The following DGKB variants were observed in gnomAD, a reference collection of about 807,000 sequenced individuals.
DGKB encodes diacylglycerol kinase beta, also known as 90 kDa diacylglycerol kinase.
In DGKB, 67 loss-of-function variants were observed where a neutral mutation model predicts 114.3. That is an observed-to-expected ratio of 0.59 (90% CI 0.48 to 0.72). The LOEUF (loss-of-function observed/expected upper bound fraction) is 0.72. DGKB is among the 30% of genes least tolerant of loss of function. DGKB has a pLI of 0.00. For missense variants in DGKB, 907 were observed against 975.2 expected, an observed-to-expected ratio of 0.93 and a Z score of 0.93; for synonymous variants, 398 against 323.1, an observed-to-expected ratio of 1.23 and a Z score of -2.49.
intron 23 of DGKB, among the ~76,000 whole-genome samples, chr7:14,250,129 TA>T (rs1478427947): frequency 1.6e-5 from 1 of 62,218 alleles, no homozygotes; most frequent in Admixed American, 1.5e-4. Context: ...TATATATATA[TA>T]TATTTTTTTT....
At chr7:14,476,531 A>G (rs182689114) in intron 21 of DGKB, among the ~76,000 whole-genome samples, 147 of 152,286 alleles carry the variant, frequency 9.7e-4, no homozygotes, top group African/African-American at 3.4e-3. Context: ...TCCCATCTCC[A>G]GAAGCAACCA....
chr7:14,405,596 A>C (rs1337801534), intron 21 of DGKB, among the ~76,000 whole-genome samples: 1 of 152,084 alleles, frequency 6.6e-6, no homozygotes, highest in Non-Finnish European at 1.5e-5. Context: ...GAGGATGCAG[A>C]AACAATCAAG....
intron 1 of DGKB, among the ~76,000 whole-genome samples, chr7:14,895,436 A>C (rs978382861): frequency 6.6e-6 from 1 of 151,550 alleles, no homozygotes. Context: ...TGCCTCCTGA[A>C]ACCAGCTTGT....
chr7:14,583,772 T>C (rs1370639359), intron 17 of DGKB, among the ~76,000 whole-genome samples: 1 of 152,178 alleles, frequency 6.6e-6, no homozygotes, highest in African/African-American at 2.4e-5. Flanking sequence ...TACCCACTGC[T>C]TCTGCTGTTA....
At chr7:14,642,982 C>T (rs115628629) in intron 13 of DGKB, among the ~76,000 whole-genome samples, 19 of 152,242 alleles carry the variant, frequency 1.2e-4, no homozygotes, top group African/African-American at 4.1e-4. Context: ...TTTCCCGACA[C>T]CATCAAGATG....
At chr7:14,774,594 T>C (rs1837884021) in intron 2 of DGKB, among the ~76,000 whole-genome samples, 1 of 152,298 alleles carries the variant, frequency 6.6e-6, no homozygotes, top group South Asian at 2.1e-4. Context: ...ATTTAAAACT[T>C]GGATCATAAT....
intron 16 of DGKB, among the ~76,000 whole-genome samples, chr7:14,612,403 T>A (rs1805729311): frequency 6.6e-6 from 1 of 151,950 alleles, no homozygotes; most frequent in Admixed American, 6.6e-5. Flanking sequence ...ATTCCTGACC[T>A]CATGGTCTGC....
intron 1 of DGKB, among the ~76,000 whole-genome samples, chr7:14,846,316 T>A (rs1848621248): frequency 6.6e-6 from 1 of 152,190 alleles, no homozygotes; most frequent in Non-Finnish European, 1.5e-5. Context: ...TTCTCATAGT[T>A]CTAACCCTCA....
Position 14,887,395 on chromosome 7 carries a change from A to T in DGKB, c.-188+15197T>A, listed in dbSNP as rs150214059. ...CTGTTCCTTCTTAATTACTCTGCAG[A>T]TTTCTCTACCTCTTCTCTATTGCAA... On this transcript the variant is annotated intron_variant, in intron 1 of 25. Coordinates refer to ENST00000402815, the MANE Select transcript of DGKB (RefSeq NM_001350709.2). 2.5e-3 allele frequency among the ~76,000 whole-genome samples: 375 copies of T among 151,714 alleles called. 2 individuals carry two copies. Among genetic ancestry groups the T allele is most frequent in the African/African-American group, 8.6e-3 (357 of 41,432 alleles).
intron 23 of DGKB, among the ~76,000 whole-genome samples, chr7:14,279,496 G>C (rs1325421376): frequency 6.6e-6 from 1 of 152,162 alleles, no homozygotes; most frequent in Non-Finnish European, 1.5e-5. Flanking sequence ...GACAGCTTTG[G>C]AGAGAGCGGT....
chr7:14,910,591 T>C (rs1783951381), intron 1 of DGKB, among the ~76,000 whole-genome samples: 1 of 152,140 alleles, frequency 6.6e-6, no homozygotes, highest in South Asian at 2.1e-4. Flanking sequence ...ATAACTATCC[T>C]ACGAAGAAGA....
intron 23 of DGKB, among the ~76,000 whole-genome samples, chr7:14,292,666 C>A (rs1431740447): frequency 6.6e-6 from 1 of 152,096 alleles, no homozygotes; most frequent in Admixed American, 6.6e-5. Flanking sequence ...CTGGGGTGGT[C>A]TTACTTATGG....
chr7:14,300,358 A>G (rs1803315422), intron 23 of DGKB, among the ~76,000 whole-genome samples: 1 of 152,112 alleles, frequency 6.6e-6, no homozygotes, highest in South Asian at 2.1e-4. Context: ...TTGGCATCAT[A>G]AATACCGTGT....
intron 20 of DGKB, among the ~76,000 whole-genome samples, chr7:14,534,190 G>A (rs1052017206): frequency 9.9e-5 from 15 of 151,948 alleles, no homozygotes; most frequent in Non-Finnish European, 2.1e-4. Context: ...TAAAAGTATA[G>A]AGGGCTCATA....
chr7:14,775,040 C>G (rs1837949794), intron 2 of DGKB, among the ~76,000 whole-genome samples: 1 of 152,092 alleles, frequency 6.6e-6, no homozygotes, highest in South Asian at 2.1e-4. Context: ...GATTTTTCTA[C>G]CTGGAAATGA....
intron 1 of DGKB, among the ~76,000 whole-genome samples, chr7:14,967,105 TG>T (rs1021181868): frequency 1.3e-5 from 2 of 152,166 alleles, no homozygotes; most frequent in African/African-American, 4.8e-5. Flanking sequence ...ACTACTGAAT[TG>T]ATTTTAACTT....
chr7:14,785,984 A>G (rs10215015), intron 2 of DGKB, among the ~76,000 whole-genome samples: 38,808 of 151,956 alleles, frequency 0.26, 5,408 homozygotes, highest in East Asian at 0.37. Context: ...ATTATTTACA[A>G]AATAGTTTTT....
intron 20 of DGKB, among the ~76,000 whole-genome samples, chr7:14,488,777 G>A (rs547407212): frequency 1.9e-4 from 28 of 150,702 alleles, no homozygotes; most frequent in South Asian, 1.5e-3. Flanking sequence ...GCAGTGAGCC[G>A]AGACTGCGCC....
At chr7:14,149,756 G>A (rs887577603) in intron 25 of DGKB, among the ~76,000 whole-genome samples, 9 of 150,220 alleles carry the variant, frequency 6.0e-5, no homozygotes. Flanking sequence ...ACAGTCATTA[G>A]AAATGAAAGT....
Sources: allele counts gnomAD v4.1 joint callset (sites outside exome capture counted in the v4.1 genomes callset), GRCh38; gene constraint gnomAD v4.1.1; transcripts MANE v1.5; gene names NCBI Gene and HGNC (gene_info 2026-07-23, HGNC 2026-07-21).